Variants in SOX6 observed in about 807,000 individuals in gnomAD.
SOX6 encodes SRY-box transcription factor 6.
Under a neutral mutation model 97.8 loss-of-function variants are expected in SOX6, and 11 were observed. That is an observed-to-expected ratio of 0.11 (90% CI 0.07 to 0.19). The LOEUF is 0.19. Among genes scored for constraint, SOX6 ranks in the 10% least tolerant of loss-of-function variants. The pLI is 1.00. For synonymous variants in SOX6, 360 were observed against 371.4 expected (o/e 0.97, Z 0.35); for missense variants, 810 against 1,039.5 (o/e 0.78, Z 3.04).
chr11:16,137,361 G>A (rs139268646), intron 6 of SOX6, among the ~76,000 whole-genome samples: 1,888 of 152,254 alleles, frequency 0.012, 39 homozygotes, highest in African/African-American at 0.043. Context: ...AGGAGGCGGA[G>A]GTTGCAGTGA....
At chr11:16,733,949 C>A (rs1306518978) in intron 2 of SOX6, among the ~76,000 whole-genome samples, 5 of 151,006 alleles carry the variant, frequency 3.3e-5, no homozygotes, top group African/African-American at 1.2e-4. Flanking sequence ...ATGGCATGAA[C>A]CTGGAAGGCA....
intron 4 of SOX6, among the ~76,000 whole-genome samples, chr11:16,568,970 T>C (rs1228097041): frequency 1.3e-5 from 2 of 152,188 alleles, no homozygotes; most frequent in African/African-American, 4.8e-5. Context: ...TAGCACAATG[T>C]CTATGCTAAA....
intron 1 of SOX6, chr11:16,402,539 G>T: frequency 9.7e-7 from 1 of 1,035,596 alleles, no homozygotes; most frequent in Non-Finnish European, 1.5e-6. Flanking sequence ...GCCCACAGAA[G>T]CAAACCACCC....
chr11:16,599,374 A>AT (rs749503777), intron 4 of SOX6, among the ~76,000 whole-genome samples: 1 of 152,210 alleles, frequency 6.6e-6, no homozygotes, highest in Non-Finnish European at 1.5e-5. Context: ...AATTTCTAAA[A>AT]TATATACAGC....
intron 3 of SOX6, among the ~76,000 whole-genome samples, chr11:16,670,961 A>C (rs143097589): frequency 1.8e-4 from 28 of 152,068 alleles, no homozygotes; most frequent in African/African-American, 5.3e-4. Context: ...ATGACTAAGC[A>C]AGAGCCTACC....
At chr11:16,389,490 T>C (rs919092606) in intron 1 of SOX6, among the ~76,000 whole-genome samples, 3 of 152,158 alleles carry the variant, frequency 2.0e-5, no homozygotes, top group African/African-American at 7.2e-5. Context: ...TCAGATATCG[T>C]TTTTTTAAGT....
chr11:16,069,107 C>T (rs1848160967), intron 9 of SOX6, among the ~76,000 whole-genome samples: 1 of 152,166 alleles, frequency 6.6e-6, no homozygotes, highest in South Asian at 2.1e-4. Flanking sequence ...TTGTTTCTGT[C>T]TTCTTACAGT....
intron 2 of SOX6, among the ~76,000 whole-genome samples, chr11:16,727,386 G>A (rs1442309910): frequency 8.9e-5 from 13 of 146,136 alleles, no homozygotes; most frequent in African/African-American, 2.3e-4. Flanking sequence ...CCACTGTATG[G>A]ATGTAACATA....
At chr11:16,268,658 G>A (rs763541754) in intron 3 of SOX6, among the ~76,000 whole-genome samples, 5 of 151,018 alleles carry the variant, frequency 3.3e-5, no homozygotes, top group Non-Finnish European at 5.9e-5. Flanking sequence ...TCTGACAGTC[G>A]TATCGCTTCA....
intron 4 of SOX6, among the ~76,000 whole-genome samples, chr11:16,233,685 T>C (rs953742968): frequency 6.6e-6 from 1 of 152,150 alleles, no homozygotes; most frequent in African/African-American, 2.4e-5. Flanking sequence ...GAAATACTTG[T>C]ATTATCCTCA....
At chr11:16,133,663 GT>G (rs1314789409) in intron 6 of SOX6, among the ~76,000 whole-genome samples, 2 of 102,558 alleles carry the variant, frequency 2.0e-5, no homozygotes. Flanking sequence ...TATTATACAG[GT>G]TTTGTTTTGT....
intron 3 of SOX6, among the ~76,000 whole-genome samples, chr11:16,236,500 C>T (rs559802607): frequency 1.2e-4 from 18 of 151,924 alleles, no homozygotes; most frequent in African/African-American, 4.1e-4. Context: ...ATTTTAATAT[C>T]CTACCCAATT....
At chr11:16,592,187 T>C (rs1848162226) in intron 4 of SOX6, among the ~76,000 whole-genome samples, 1 of 151,690 alleles carries the variant, frequency 6.6e-6, no homozygotes, top group African/African-American at 2.4e-5. Context: ...ATCCAAAATG[T>C]GGCAACCACT....
At chr11:16,485,072 G>A (rs1860405936) in intron 4 of SOX6, among the ~76,000 whole-genome samples, 1 of 152,074 alleles carries the variant, frequency 6.6e-6, no homozygotes, top group Non-Finnish European at 1.5e-5. Context: ...AGACATTTCT[G>A]GGTCAAGAGA....
At chr11:16,528,086 TCA>T (rs1450378713) in intron 4 of SOX6, among the ~76,000 whole-genome samples, 4 of 152,090 alleles carry the variant, frequency 2.6e-5, no homozygotes, top group African/African-American at 9.7e-5. Context: ...ATTCTAGATC[TCA>T]GTTTGCAGGT....
At chr11:16,446,738 C>A (rs1287705290) in intron 1 of SOX6, among the ~76,000 whole-genome samples, 1 of 152,074 alleles carries the variant, frequency 6.6e-6, no homozygotes, top group Non-Finnish European at 1.5e-5. Flanking sequence ...CTAAAATATA[C>A]TGGCCTGTAG....
At chr11:16,059,045 T>G (rs1026471573) in intron 9 of SOX6, among the ~76,000 whole-genome samples, 34 of 152,106 alleles carry the variant, frequency 2.2e-4, no homozygotes, top group Admixed American at 2.2e-3. Flanking sequence ...TGGGCTTGAT[T>G]CTTTTTGGCT....
At chr11:16,545,667 A>G (rs981684912) in intron 4 of SOX6, among the ~76,000 whole-genome samples, 2 of 152,244 alleles carry the variant, frequency 1.3e-5, no homozygotes, top group African/African-American at 4.8e-5. Flanking sequence ...AAGAAGTCAA[A>G]CTGACCAGGC....
In SOX6 at chr11:16,371,107, G is replaced by A. The variant is rs752267958; in HGVS notation, c.-4-29855C>T. ...TGACCTACACATTCCTATTTAACCC[G>A]GCCCCTGTCATTTTTCTGACTTCAT... On this transcript the variant is annotated intron_variant, in intron 1 of 15. Transcript: ENST00000396356. Among the ~76,000 whole-genome samples the A allele has an allele frequency of 4.6e-5, 7 of 151,900 alleles. No homozygotes were observed. The South Asian group carries it at 6.2e-4, about 14-fold the overall frequency.
Sources: gnomAD v4.1 joint callset for allele counts (sites outside exome capture counted in the v4.1 genomes callset) on GRCh38, gnomAD v4.1.1 for gene constraint, MANE v1.5 for transcripts, NCBI Gene and HGNC (gene_info 2026-07-23, HGNC 2026-07-21) for gene names.